The following ZC3H4 variants were observed in gnomAD, a reference collection of about 807,000 sequenced individuals.
The protein encoded by ZC3H4 is zinc finger CCCH domain-containing protein 4.
A neutral mutation model predicts 108.3 loss-of-function variants in ZC3H4; 13 were observed. The ratio of observed to expected loss-of-function variants is 0.12; its 90% CI spans 0.08 to 0.19. The LOEUF (loss-of-function observed/expected upper bound fraction) is 0.19, where lower values mean the gene tolerates loss of function less well. Among genes scored for constraint, ZC3H4 ranks in the 10% least tolerant of loss-of-function variants. The pLI, the probability that ZC3H4 is intolerant of heterozygous loss-of-function variation, is 1.00. For missense variants in ZC3H4, 1,734 were observed against 1,838.8 expected, an observed-to-expected ratio of 0.94 and a Z score of 1.04; for synonymous variants, 917 against 749.6, an observed-to-expected ratio of 1.22 and a Z score of -3.65.
At chr19:47,084,527 A>C in intron 8 of ZC3H4, 72 bp from the exon 9 acceptor site, 9 of 1,464,156 alleles carry the variant, frequency 6.1e-6, no homozygotes, top group East Asian at 2.3e-5. Context: ...GGTTAATAAG[A>C]AGCACGGGAG....
intron 6 of ZC3H4, among the ~76,000 whole-genome samples, chr19:47,085,927 G>A (rs1476700877): frequency 2.0e-5 from 3 of 152,018 alleles, no homozygotes; most frequent in Non-Finnish European, 4.4e-5. Flanking sequence ...GCAGTGGTGC[G>A]ATCTCGGCTC....
At chr19:47,112,108 A>G (rs1462908017) in intron 2 of ZC3H4, 15 of 1,047,158 alleles carry the variant, frequency 1.4e-5, no homozygotes, top group African/African-American at 1.7e-5. Flanking sequence ...TCCCCAGGAC[A>G]GGCGGACGGG....
intron 4 of ZC3H4, among the ~76,000 whole-genome samples, chr19:47,091,962 A>G (rs1386796918): frequency 2.0e-5 from 3 of 151,954 alleles, no homozygotes; most frequent in African/African-American, 7.3e-5. Context: ...CAATCCCCGC[A>G]CTTTGGGAGG....
chr19:47,100,479 G>A (rs537637985), intron 2 of ZC3H4, among the ~76,000 whole-genome samples: 1 of 151,816 alleles, frequency 6.6e-6, no homozygotes, highest in East Asian at 1.9e-4. Flanking sequence ...CACAAAACTG[G>A]CAAAGAGAAG....
At chr19:47,097,826 G>A (rs2057846553) in intron 2 of ZC3H4, among the ~76,000 whole-genome samples, 1 of 152,214 alleles carries the variant, frequency 6.6e-6, no homozygotes, top group South Asian at 2.1e-4. Context: ...GCAAGCAGGA[G>A]AAAAGCCTGC....
chr19:47,085,252 A>T, intron 7 of ZC3H4, 57 bp from the exon 8 acceptor site: 1 of 867,000 alleles, frequency 1.2e-6, no homozygotes, highest in Non-Finnish European at 1.7e-6. Flanking sequence ...CACCCCCAGG[A>T]CTAGATTCCA....
At chr19:47,083,752 G>A (rs143445062) in intron 9 of ZC3H4, among the ~76,000 whole-genome samples, 3 of 152,314 alleles carry the variant, frequency 2.0e-5, no homozygotes, top group Non-Finnish European at 2.9e-5. Flanking sequence ...TTTGTTTGAA[G>A]CATCTATTTC....
Position 47,085,097 on chromosome 19 carries a change from C to T in ZC3H4, c.1066G>A (p.Gly356Arg), listed in dbSNP as rs760283830. ...GGSRGGMNKG[G>R]MNDDEDFYDE... Reference sequence around the variant, plus strand: ...TAGAAGTCTTCGTCATCGTTCATTCCGCCCTTGTTCATCCCTCCTCGGCTG... The same window carrying T: ...TAGAAGTCTTCGTCATCGTTCATTCTGCCCTTGTTCATCCCTCCTCGGCTG... Residue 356 changes from glycine (G) to arginine (R), a missense_variant, in exon 8 of 15, where the codon GGA (glycine) becomes AGA (arginine). This residue lies in a region of ZC3H4 where 403 missense variants were observed against 457.0 expected (regional missense o/e 0.88). Coordinates refer to ENST00000253048, the MANE Select transcript of ZC3H4 (RefSeq NM_015168.2). 117 of 1,614,082 alleles carry T rather than the reference C, an allele frequency of 7.2e-5. No individual in the cohort carries two copies. The highest frequency in any genetic ancestry group is 6.6e-4 in the Middle Eastern group (4 of 6,084).
intron 4 of ZC3H4, among the ~76,000 whole-genome samples, chr19:47,093,315 G>A (rs561469062): frequency 3.3e-5 from 5 of 151,754 alleles, no homozygotes; most frequent in African/African-American, 1.2e-4. Context: ...TTAAATTGCT[G>A]CTTGAAATGA....
intron 8 of ZC3H4, 53 bp from the exon 9 acceptor site, chr19:47,084,508 T>C: frequency 1.3e-6 from 2 of 1,586,584 alleles, no homozygotes; most frequent in Middle Eastern, 1.7e-4. Context: ...AGGGTAGAGA[T>C]GGGATCGGGG....
intron 6 of ZC3H4, 64 bp downstream of exon 6, chr19:47,086,320 T>A: frequency 4.4e-6 from 7 of 1,599,058 alleles, no homozygotes; most frequent in Middle Eastern, 1.7e-4. Flanking sequence ...CTACCAGCAG[T>A]GCTCACGCCC....
At chr19:47,070,341 G>A (rs145037251) in intron 13 of ZC3H4, among the ~76,000 whole-genome samples, 22 of 152,274 alleles carry the variant, frequency 1.4e-4, no homozygotes, top group Admixed American at 1.0e-3. Flanking sequence ...CCTGCTCTAT[G>A]ACACATCCCA....
intron 5 of ZC3H4, among the ~76,000 whole-genome samples, chr19:47,089,549 G>C (rs1453813222): frequency 6.6e-6 from 1 of 152,168 alleles, no homozygotes; most frequent in African/African-American, 2.4e-5. Context: ...TCCTCCCAAA[G>C]GACACAGGTT....
At chr19:47,079,104 A>G (rs1450966068) in intron 11 of ZC3H4, among the ~76,000 whole-genome samples, 2 of 141,640 alleles carry the variant, frequency 1.4e-5, no homozygotes, top group African/African-American at 2.6e-5. Flanking sequence ...ATCTCAGCTC[A>G]CCGCAACCAC....
At chr19:47,109,443 A>G (rs1026658732) in intron 2 of ZC3H4, among the ~76,000 whole-genome samples, 4 of 152,222 alleles carry the variant, frequency 2.6e-5, no homozygotes, top group Admixed American at 6.5e-5. Context: ...AACTTGGGTC[A>G]TCAGTCATCC....
chr19:47,108,014 C>T (rs2057989391), intron 2 of ZC3H4, among the ~76,000 whole-genome samples: 1 of 152,162 alleles, frequency 6.6e-6, no homozygotes, highest in African/African-American at 2.4e-5. Context: ...CTTTTCCATC[C>T]TATTAGGTTT....
Position 47,080,446 on chromosome 19 carries a change from GA to G in ZC3H4, c.1440+1066del, listed in dbSNP as rs568904936. On this transcript the variant is annotated intron_variant, in intron 11 of 14. Transcript: ENST00000253048. ...CCCTGAGAGTTGCAAAGAAACGTTT[GA>G]CTTTTCCACCAAAATACAATCCTTG... Among the ~76,000 whole-genome samples the G allele has an allele frequency of 1.9e-3, 295 of 152,268 alleles. 1 individual carries two copies. The highest frequency in any genetic ancestry group is 7.0e-3 in the African/African-American group (290 of 41,568).
intron 8 of ZC3H4, 125 bp from the exon 9 acceptor site, chr19:47,084,580 G>T (rs1390546948): frequency 6.7e-6 from 6 of 892,500 alleles, no homozygotes; most frequent in African/African-American, 1.7e-5. Context: ...GAGCACCGAT[G>T]GGCAGGCTGC....
At chr19:47,071,688 G>A in intron 13 of ZC3H4, 90 bp downstream of exon 13, 3 of 1,383,156 alleles carry the variant, frequency 2.2e-6, no homozygotes, top group Non-Finnish European at 1.9e-6. Flanking sequence ...AAAGAGACTT[G>A]GACGAAGGAA....
Sources: gnomAD v4.1 joint callset for allele counts (sites outside exome capture counted in the v4.1 genomes callset) on GRCh38, gnomAD v4.1.1 for gene constraint, gnomAD v4.1.1 regional missense constraint, MANE v1.5 for transcripts, NCBI Gene and HGNC (gene_info 2026-07-23, HGNC 2026-07-21) for gene names.